The following KIF6 variants were observed in gnomAD, a reference collection of about 807,000 sequenced individuals.
KIF6 encodes the protein kinesin-like protein KIF6.
KIF6 carries 106 observed loss-of-function variants against 112.7 expected under a neutral mutation model. The observed-to-expected ratio is 0.94, with a 90% CI of 0.80 to 1.11. KIF6 has a LOEUF of 1.11. KIF6 is among the 50% of genes least tolerant of loss of function. The pLI is 0.00. For missense variants in KIF6, 929 were observed against 964.0 expected (o/e 0.96, Z 0.48); for synonymous variants, 339 against 339.9 (o/e 1.00, Z 0.03).
chr6:39,440,597 G>A (rs113481061), intron 13 of KIF6, among the ~76,000 whole-genome samples: 4,209 of 151,698 alleles, frequency 0.028, 81 homozygotes, highest in Non-Finnish European at 0.029. Context: ...ACTGTTCATC[G>A]TCCCCTGTTG....
chr6:39,530,642 T>C (rs1777999626), intron 13 of KIF6, among the ~76,000 whole-genome samples: 1 of 152,144 alleles, frequency 6.6e-6, no homozygotes, highest in Admixed American at 6.5e-5. Context: ...CATTTTCTAA[T>C]CTGAAGGGAG....
chr6:39,705,199 T>C (rs572234749), intron 3 of KIF6, among the ~76,000 whole-genome samples: 2 of 152,308 alleles, frequency 1.3e-5, no homozygotes, highest in South Asian at 4.1e-4. Flanking sequence ...CAGAATCACC[T>C]GGAGGGCTTG....
chr6:39,370,028 C>T (rs1765851834), intron 16 of KIF6, among the ~76,000 whole-genome samples: 1 of 152,234 alleles, frequency 6.6e-6, no homozygotes, highest in Non-Finnish European at 1.5e-5. Flanking sequence ...TTCCAGTCCA[C>T]TGTGACTTTC....
At chr6:39,586,802 A>G (rs574791226) in intron 7 of KIF6, among the ~76,000 whole-genome samples, 81 of 152,334 alleles carry the variant, frequency 5.3e-4, no homozygotes, top group Non-Finnish European at 3.1e-4. Context: ...TAAGGGAAAC[A>G]GTATAGGATA....
At chr6:39,465,675 T>C (rs1369612057) in intron 13 of KIF6, among the ~76,000 whole-genome samples, 1 of 152,228 alleles carries the variant, frequency 6.6e-6, no homozygotes, top group African/African-American at 2.4e-5. Flanking sequence ...TCCCCAGTGT[T>C]TATGGCATCA....
intron 13 of KIF6, among the ~76,000 whole-genome samples, chr6:39,503,819 C>G (rs962317195): frequency 2.9e-5 from 4 of 136,018 alleles, no homozygotes; most frequent in African/African-American, 1.1e-4. Context: ...AGTTCTGCAA[C>G]AGAGGCAGTA....
At chr6:39,412,584 G>T (rs1331403099) in intron 15 of KIF6, among the ~76,000 whole-genome samples, 1 of 152,084 alleles carries the variant, frequency 6.6e-6, no homozygotes, top group Non-Finnish European at 1.5e-5. Flanking sequence ...TACACAGTCG[G>T]TTCTCTTACA....
chr6:39,385,520 G>A (rs2150313954), intron 16 of KIF6, 102 bp downstream of exon 16: 1 of 955,790 alleles, frequency 1.0e-6, no homozygotes, highest in Admixed American at 1.7e-5. Flanking sequence ...TAACCTCAGA[G>A]AGGGTTTTAA....
At chr6:39,511,476 A>T (rs1776774796) in intron 13 of KIF6, among the ~76,000 whole-genome samples, 1 of 152,196 alleles carries the variant, frequency 6.6e-6, no homozygotes, top group African/African-American at 2.4e-5. Flanking sequence ...AAACAGGAAA[A>T]CTTTTACATT....
chr6:39,526,610 C>T (rs1382080071), intron 13 of KIF6, among the ~76,000 whole-genome samples: 1 of 152,204 alleles, frequency 6.6e-6, no homozygotes, highest in Non-Finnish European at 1.5e-5. Context: ...CTCTCTCCCC[C>T]ACAACCCCTT....
intron 13 of KIF6, among the ~76,000 whole-genome samples, chr6:39,529,786 C>CA (rs535194270): frequency 1.1e-3 from 151 of 141,922 alleles, no homozygotes; most frequent in African/African-American, 3.5e-3. Flanking sequence ...GACTCCGTCT[C>CA]AAAAAAAAAA....
intron 13 of KIF6, among the ~76,000 whole-genome samples, chr6:39,511,034 C>G (rs1776754841): frequency 6.6e-6 from 1 of 151,938 alleles, no homozygotes; most frequent in South Asian, 2.1e-4. Context: ...ATATATGCAC[C>G]CAATACAGGA....
chr6:39,515,545 A>T (rs1777033093), intron 13 of KIF6, among the ~76,000 whole-genome samples: 1 of 152,136 alleles, frequency 6.6e-6, no homozygotes, highest in African/African-American at 2.4e-5. Context: ...TCCTATTTTG[A>T]TTCTTATCAT....
chr6:39,361,638 G>A (rs1347619078), intron 17 of KIF6, among the ~76,000 whole-genome samples: 1 of 151,670 alleles, frequency 6.6e-6, no homozygotes, highest in African/African-American at 2.4e-5. Context: ...GAAGGTGGAC[G>A]ACTGGCGAGG....
At chr6:39,476,212 A>AT (rs921850273) in intron 13 of KIF6, among the ~76,000 whole-genome samples, 1 of 148,798 alleles carries the variant, frequency 6.7e-6, no homozygotes, top group Non-Finnish European at 1.5e-5. Context: ...ATTAAATTAA[A>AT]TTAAAAAAAA....
Position 39,364,995 on chromosome 6 carries a change from G to A in KIF6, c.1862-2477C>T, listed in dbSNP as rs116361540. ...TAAAAATAAGTGATTGTTAAAATGC[G>A]TCCTGTTTCAGTGTGATTGTCCTTT... is the stretch of plus-strand genomic sequence containing the variant. On this transcript the variant is annotated intron_variant, in intron 16 of 22. Transcript: ENST00000287152. Among the ~76,000 whole-genome samples, 225 of 152,256 alleles carry A rather than the reference G, an allele frequency of 1.5e-3. 1 individual carries two copies. The highest frequency in any genetic ancestry group is 4.8e-3 in the African/African-American group (198 of 41,554).
Position 39,578,103 on chromosome 6 carries a change from G to A in KIF6, c.1134C>T (p.Val378=). ...GTGCCTCTGTCCTCTGCTCCCCAGTGACCATGGCCAGTTCATCCTTCAGTT... is the reference window on the plus strand; with the variant it reads ...GTGCCTCTGTCCTCTGCTCCCCAGTAACCATGGCCAGTTCATCCTTCAGTT... ...IQELKDELAM[V]TGEQRTEALT... Residue 378 remains valine (V), a synonymous_variant, in exon 10 of 23, where the codon GTC becomes GTT. Coordinates refer to ENST00000287152, the MANE Select transcript of KIF6 (RefSeq NM_145027.6). The A allele has an allele frequency of 1.2e-6, 2 of 1,614,098 alleles. No individual in the cohort carries two copies. Among genetic ancestry groups the A allele is most frequent in the Non-Finnish European group, 1.7e-6 (2 of 1,179,990 alleles).
At chr6:39,703,850 T>G (rs1014750776) in intron 3 of KIF6, among the ~76,000 whole-genome samples, 12 of 152,206 alleles carry the variant, frequency 7.9e-5, no homozygotes, top group Non-Finnish European at 1.8e-4. Context: ...TCTTGCCAGT[T>G]GTAATCAATC....
At chr6:39,405,574 T>A (rs9471092) in intron 15 of KIF6, among the ~76,000 whole-genome samples, 1 of 152,000 alleles carries the variant, frequency 6.6e-6, no homozygotes, top group Non-Finnish European at 1.5e-5. Context: ...TTGGTCATGG[T>A]ATATTAGTCT....
Sources: gnomAD v4.1 joint callset for allele counts (sites outside exome capture counted in the v4.1 genomes callset) on GRCh38, gnomAD v4.1.1 for gene constraint, MANE v1.5 for transcripts, NCBI Gene and HGNC (gene_info 2026-07-23, HGNC 2026-07-21) for gene names.